SPMIP7: variants seen among roughly 807,000 people sequenced by gnomAD.
The protein encoded by SPMIP7 is sperm microtubule inner protein 7.
chr7:50,141,262 T>C, the SPMIP7 span: 1 of 1,464,724 alleles, frequency 6.8e-7, no homozygotes, highest in African/African-American at 1.4e-5. Flanking sequence ...TATGCCTTCT[T>C]TCCTTTCCAT....
At chr7:50,097,279 G>A in the SPMIP7 span, among the ~76,000 whole-genome samples, 1 of 152,194 alleles carries the variant, frequency 6.6e-6, no homozygotes, top group Non-Finnish European at 1.5e-5. Context: ...CTGTCTGGCA[G>A]GCAGGAATGT....
chr7:50,095,925 A>G, the SPMIP7 span: 1 of 514,072 alleles, frequency 1.9e-6, no homozygotes, highest in Non-Finnish European at 3.2e-6. Context: ...ATTTGCCTTA[A>G]AAAGAAAAAC....
the SPMIP7 span, among the ~76,000 whole-genome samples, chr7:50,098,193 T>C: frequency 6.6e-6 from 1 of 152,194 alleles, no homozygotes; most frequent in Admixed American, 6.5e-5. Flanking sequence ...AGAAAAATCA[T>C]AAAATATTAT....
At chr7:50,098,363 A>C in the SPMIP7 span, among the ~76,000 whole-genome samples, 4 of 152,134 alleles carry the variant, frequency 2.6e-5, no homozygotes, top group Non-Finnish European at 5.9e-5. Flanking sequence ...TCTGCCTCTC[A>C]TTGCAGTAGA....
At chr7:50,153,505 C>T in the SPMIP7 span, among the ~76,000 whole-genome samples, 1 of 152,198 alleles carries the variant, frequency 6.6e-6, no homozygotes, top group Admixed American at 6.5e-5. Context: ...CTCACCATCT[C>T]TCAATGAGAA....
the SPMIP7 span, among the ~76,000 whole-genome samples, chr7:50,123,172 G>A: frequency 8.1e-6 from 1 of 124,040 alleles, no homozygotes; most frequent in Non-Finnish European, 1.7e-5. Context: ...CAACCCAAAT[G>A]TCCAACAATG....
the SPMIP7 span, among the ~76,000 whole-genome samples, chr7:50,140,491 A>G: frequency 1.3e-5 from 2 of 152,252 alleles, no homozygotes; most frequent in Non-Finnish European, 2.9e-5. Context: ...TGCTACCACT[A>G]TTGAGTGTTA....
the SPMIP7 span, chr7:50,140,311 T>C: frequency 2.0e-6 from 1 of 504,026 alleles, no homozygotes; most frequent in African/African-American, 2.0e-5. Flanking sequence ...CTAATGTTTG[T>C]GTGGCACACA....
chr7:50,106,747 G>A, the SPMIP7 span, among the ~76,000 whole-genome samples: 1 of 152,008 alleles, frequency 6.6e-6, no homozygotes, highest in African/African-American at 2.4e-5. Context: ...AAATGTTGAA[G>A]GAGAAAAAAA....
chr7:50,105,602 C>T, the SPMIP7 span, among the ~76,000 whole-genome samples: 1 of 152,160 alleles, frequency 6.6e-6, no homozygotes, highest in African/African-American at 2.4e-5. Flanking sequence ...ACAGAAAGGT[C>T]ATTTAAAGTA....
the SPMIP7 span, among the ~76,000 whole-genome samples, chr7:50,115,040 A>AG: frequency 1.3e-5 from 2 of 152,040 alleles, no homozygotes; most frequent in African/African-American, 4.8e-5. Context: ...CAAAAAAAAA[A>AG]AAAAAAATTA....
the SPMIP7 span, among the ~76,000 whole-genome samples, chr7:50,125,585 GGTGTGTGTGTGTGT>G: frequency 2.1e-3 from 295 of 140,898 alleles, 1 homozygote; most frequent in South Asian, 0.013. Context: ...AAGAAAATAT[GGTGTGTGTGTGTGT>G]GTGTGTGTGT....
At chr7:50,136,915 TGTG>T in the SPMIP7 span, among the ~76,000 whole-genome samples, 2 of 152,222 alleles carry the variant, frequency 1.3e-5, no homozygotes, top group Admixed American at 1.3e-4. Context: ...ACATAGTCTG[TGTG>T]TATGCTCCCC....
chr7:50,107,743 G>GCAT, the SPMIP7 span, among the ~76,000 whole-genome samples: 118 of 152,178 alleles, frequency 7.8e-4, no homozygotes, highest in Admixed American at 2.8e-3. Flanking sequence ...TCTCCCTGAG[G>GCAT]CATCCCCTTA....
At chr7:50,139,176 C>T in the SPMIP7 span, among the ~76,000 whole-genome samples, 3 of 151,784 alleles carry the variant, frequency 2.0e-5, no homozygotes, top group Non-Finnish European at 4.4e-5. Context: ...TGGTGAAACC[C>T]CGTCTCTACT....
the SPMIP7 span, among the ~76,000 whole-genome samples, chr7:50,125,693 T>C: frequency 6.6e-6 from 1 of 151,450 alleles, no homozygotes; most frequent in Admixed American, 6.6e-5. Context: ...TGGATGAACC[T>C]GAAGGACATT....
chr7:50,157,997 T>G, the SPMIP7 span, among the ~76,000 whole-genome samples: 1 of 152,204 alleles, frequency 6.6e-6, no homozygotes, highest in Non-Finnish European at 1.5e-5. Flanking sequence ...GTCATGAGCC[T>G]CCTGTGGGAA....
the SPMIP7 span, chr7:50,120,349 T>C: frequency 6.6e-6 from 1 of 152,154 alleles, no homozygotes; most frequent in African/African-American, 2.4e-5. Context: ...TCTTGAAATT[T>C]GTAGCCAATT....
the SPMIP7 span, among the ~76,000 whole-genome samples, chr7:50,114,763 C>G: frequency 6.6e-6 from 1 of 152,268 alleles, no homozygotes; most frequent in African/African-American, 2.4e-5. Flanking sequence ...GGTGAGGTGG[C>G]TCACGCCTGT....
Sources: gnomAD v4.1 joint callset for allele counts (sites outside exome capture counted in the v4.1 genomes callset) on GRCh38, gnomAD v4.1.1 for gene constraint, MANE v1.5 for transcripts, NCBI Gene and HGNC (gene_info 2026-07-23, HGNC 2026-07-21) for gene names.